MYCBP2: variants seen among roughly 807,000 people sequenced by gnomAD.
The protein encoded by MYCBP2 is E3 ubiquitin-protein ligase MYCBP2.
Under a neutral mutation model 525.3 loss-of-function variants are expected in MYCBP2, and 120 were observed. The observed-to-expected ratio is 0.23, with a 90% confidence interval of 0.20 to 0.27. The LOEUF (loss-of-function observed/expected upper bound fraction) is 0.27, where lower values mean the gene tolerates loss of function less well. Among genes scored for constraint, MYCBP2 ranks in the 10% least tolerant of loss-of-function variants. The pLI, the probability that MYCBP2 is intolerant of heterozygous loss-of-function variation, is 1.00. For synonymous variants in MYCBP2, 1,894 were observed against 1,955.8 expected (o/e 0.97, Z 0.83); for missense variants, 4,149 against 5,657.1 (o/e 0.73, Z 8.55).
chr13:77,222,551 G>A (rs1318023392), intron 20 of MYCBP2, among the ~76,000 whole-genome samples: 5 of 152,112 alleles, frequency 3.3e-5, no homozygotes, highest in African/African-American at 1.2e-4. Context: ...AGGGTAGAGA[G>A]TGGTTCTCAT....
chr13:77,242,474 A>C (rs943650744), intron 17 of MYCBP2, among the ~76,000 whole-genome samples: 1 of 152,206 alleles, frequency 6.6e-6, no homozygotes, highest in Non-Finnish European at 1.5e-5. Flanking sequence ...GAAAAGATAA[A>C]CAATAGACCT....
intron 54 of MYCBP2, among the ~76,000 whole-genome samples, chr13:77,122,382 A>G (rs1222354138): frequency 2.6e-5 from 4 of 152,118 alleles, no homozygotes; most frequent in Admixed American, 6.5e-5. Context: ...AATATCTTTA[A>G]GTATCTTAAA....
rs766468180 is a variant in MYCBP2, at chr13:77,212,027, C to A, written c.3191G>T (p.Arg1064Leu). 6.2e-7 allele frequency: 1 copy of A among 1,614,068 alleles called. No individual in the cohort carries two copies. Among genetic ancestry groups the A allele is most frequent in the South Asian group, 1.1e-5 (1 of 91,080 alleles). ...AGAATTAATAAGTGCTTCATCAATTCGTAAAAAAGTTTGGTCCCCACTTGC... is the reference window on the plus strand; with the variant it reads ...AGAATTAATAAGTGCTTCATCAATTAGTAAAAAAGTTTGGTCCCCACTTGC... ...IGASGDQTFL[R>L]IDEALINSHV... Residue 1064 changes from arginine (R) to leucine (L), a missense_variant, in exon 22 of 83, where the codon CGA becomes CTA. Physicochemically the swap from Arg to Leu is moderately radical, Grantham distance 102. Coordinates refer to ENST00000544440, the MANE Select transcript of MYCBP2 (RefSeq NM_015057.5).
intron 69 of MYCBP2, among the ~76,000 whole-genome samples, chr13:77,070,399 TAGG>T (rs1425632876): frequency 1.3e-5 from 2 of 152,146 alleles, no homozygotes; most frequent in African/African-American, 4.8e-5. Flanking sequence ...CTTAAAGTAT[TAGG>T]AGATTTTTTT....
chr13:77,160,624 G>C (rs932546169), intron 44 of MYCBP2, among the ~76,000 whole-genome samples: 2 of 152,090 alleles, frequency 1.3e-5, no homozygotes, highest in African/African-American at 4.8e-5. Flanking sequence ...TACTGATTTC[G>C]AAGTGTAATT....
intron 3 of MYCBP2, among the ~76,000 whole-genome samples, chr13:77,284,843 G>A (rs2076570327): frequency 6.6e-6 from 1 of 152,130 alleles, no homozygotes; most frequent in Non-Finnish European, 1.5e-5. Context: ...TGAGGTAGAT[G>A]CAACCCCCAA....
intron 27 of MYCBP2, among the ~76,000 whole-genome samples, chr13:77,193,149 G>GAATA (rs1214016691): frequency 1.3e-5 from 2 of 151,840 alleles, no homozygotes; most frequent in African/African-American, 4.8e-5. Flanking sequence ...ATTAATAAAT[G>GAATA]AATAAATAAA....
chr13:77,065,241 A>G (rs2040006600), intron 72 of MYCBP2, among the ~76,000 whole-genome samples: 1 of 152,230 alleles, frequency 6.6e-6, no homozygotes, highest in African/African-American at 2.4e-5. Context: ...AAATATTTTA[A>G]TTCAATGAAC....
chr13:77,246,599 G>T (rs921507586), intron 15 of MYCBP2, among the ~76,000 whole-genome samples: 1 of 149,258 alleles, frequency 6.7e-6, no homozygotes, highest in Non-Finnish European at 1.5e-5. Context: ...GAAGGAGGAA[G>T]AGGAGGAGGA....
In MYCBP2 at chr13:77,203,882, C is replaced by T. The variant is rs1349720878; in HGVS notation, c.3843+1374G>A. On this transcript the variant is annotated intron_variant, in intron 26 of 82. Transcript: ENST00000544440. Reference sequence around the variant, plus strand: ...AACTGGATCCCTTCCTTACACCTTACACAAAAATCAATTCAAGATGGATTA... The same window carrying T: ...AACTGGATCCCTTCCTTACACCTTATACAAAAATCAATTCAAGATGGATTA... 6.5e-4 allele frequency among the ~76,000 whole-genome samples: 98 copies of T among 151,894 alleles called. 1 individual carries two copies. Among genetic ancestry groups the T allele is most frequent in the Admixed American group, 2.8e-3 (43 of 15,258 alleles).
At position 77,178,458 on chromosome 13, in the gene MYCBP2, G is replaced by A. The variant is rs543869829; in HGVS notation, c.5134-504C>T. ...AAGTAAAACTTCATTTGAAGAAAAT[G>A]GTCTATACCCTAAGATTGAATACTA... is the stretch of plus-strand genomic sequence containing the variant. On this transcript the variant is annotated intron_variant, in intron 34 of 82. Transcript: ENST00000544440. Among the ~76,000 whole-genome samples, 10 of 152,206 alleles carry A rather than the reference G, an allele frequency of 6.6e-5. No individual in the cohort carries two copies. In the East Asian group the frequency reaches 1.9e-3, roughly 29 times the overall value.
chr13:77,223,766 A>G (rs2051340344), intron 20 of MYCBP2, among the ~76,000 whole-genome samples: 1 of 152,208 alleles, frequency 6.6e-6, no homozygotes, highest in Non-Finnish European at 1.5e-5. Context: ...AGAGAAGGAC[A>G]AATGGAAAGG....
chr13:77,190,402 C>T, intron 28 of MYCBP2, 67 bp from the exon 29 acceptor site: 3 of 946,314 alleles, frequency 3.2e-6, no homozygotes, highest in Non-Finnish European at 4.9e-6. Context: ...ATTTAAGAAA[C>T]ATGTTTTCAA....
intron 31 of MYCBP2, 41 bp downstream of exon 31, chr13:77,185,830 A>T: frequency 2.2e-6 from 3 of 1,381,774 alleles, no homozygotes; most frequent in Non-Finnish European, 1.9e-6. Flanking sequence ...AATGTCTCTA[A>T]TATTTTCTCC....
intron 82 of MYCBP2, among the ~76,000 whole-genome samples, chr13:77,049,984 C>T (rs2036428879): frequency 6.6e-6 from 1 of 152,088 alleles, no homozygotes; most frequent in Non-Finnish European, 1.5e-5. Flanking sequence ...CTTTCCAAAT[C>T]AGCACACAGA....
chr13:77,155,438 A>AT (rs2057092441), intron 46 of MYCBP2, among the ~76,000 whole-genome samples: 1 of 152,112 alleles, frequency 6.6e-6, no homozygotes, highest in Admixed American at 6.5e-5. Context: ...ATTCAATATA[A>AT]TTTTTTCAGA....
chr13:77,097,960 T>G lies in MYCBP2; in HGVS notation c.9194A>C (p.His3065Pro), dbSNP rs1313126560. The G allele has an allele frequency of 6.2e-7, 1 of 1,613,632 alleles. No individual in the cohort carries two copies. The highest frequency in any genetic ancestry group is 1.7e-4 in the Middle Eastern group (1 of 6,048). Residue 3065 changes from histidine to proline, a missense_variant, in exon 56 of 83, where the codon CAT becomes CCT. His to Pro is a moderately conservative substitution (Grantham distance 77, BLOSUM62 -2). This residue lies in a region of MYCBP2 where 653 missense variants were observed against 744.7 expected (regional missense o/e 0.88). Coordinates refer to ENST00000544440, the MANE Select transcript of MYCBP2 (RefSeq NM_015057.5). ...LKFHPELSKE[H>P]APIRSSLNSQ... is the part of the protein sequence containing the mutation. ...ATTTAAACTACTCCTTATAGGAGCATGTTCTTTGGAAAGTTCAGGATGAAA... is the reference window on the plus strand; with the variant it reads ...ATTTAAACTACTCCTTATAGGAGCAGGTTCTTTGGAAAGTTCAGGATGAAA...
intron 27 of MYCBP2, 23 bp from the exon 28 acceptor site, chr13:77,191,836 A>C (rs773650831): frequency 6.2e-7 from 1 of 1,610,282 alleles, no homozygotes; most frequent in South Asian, 1.1e-5. Context: ...TAGTGAGTCA[A>C]AAACAATATT....
At chr13:77,157,183 A>G (rs1422285984) in intron 45 of MYCBP2, among the ~76,000 whole-genome samples, 2 of 152,156 alleles carry the variant, frequency 1.3e-5, no homozygotes, top group African/African-American at 2.4e-5. Flanking sequence ...GGTTTGAGCA[A>G]TCCTCCCACC....
Sources: gnomAD v4.1 joint callset for allele counts (sites outside exome capture counted in the v4.1 genomes callset) on GRCh38, gnomAD v4.1.1 for gene constraint, gnomAD v4.1.1 regional missense constraint, MANE v1.5 for transcripts, NCBI Gene and HGNC (gene_info 2026-07-23, HGNC 2026-07-21) for gene names.